Variants in GGTA1 observed in about 807,000 individuals in gnomAD.
GGTA1 encodes inactive N-acetyllactosaminide alpha-1,3-galactosyltransferase.
Under a neutral mutation model 2.6 loss-of-function variants are expected in GGTA1, and 5 were observed. That is an observed-to-expected ratio of 1.92 (90% CI 1.00 to 4.04). GGTA1 has a LOEUF of 4.04. GGTA1 is among the 30% of genes most tolerant of loss of function. The pLI is 0.00. For missense variants in GGTA1, 50 were observed against 16.7 expected, an observed-to-expected ratio of 2.99 and a Z score of -3.47; for synonymous variants, 17 against 5.0, an observed-to-expected ratio of 3.38 and a Z score of -3.19.
chr9:121,491,975 G>A (rs1431022361), intron 1 of GGTA1, among the ~76,000 whole-genome samples: 2 of 152,116 alleles, frequency 1.3e-5, no homozygotes, highest in African/African-American at 2.4e-5. Flanking sequence ...TCTTGTTCAT[G>A]GTGACATCTC....
chr9:121,468,067 C>T (rs1400761297), intron 1 of GGTA1, 136 bp from the exon 2 acceptor site: 1 of 376,954 alleles, frequency 2.7e-6, no homozygotes, highest in Non-Finnish European at 5.2e-6. Flanking sequence ...GATACATGTG[C>T]AGAACGTGCA....
At chr9:121,465,992 T>C (rs1330577780) in intron 2 of GGTA1, among the ~76,000 whole-genome samples, 1 of 152,150 alleles carries the variant, frequency 6.6e-6, no homozygotes, top group African/African-American at 2.4e-5. Context: ...CACAGCTCAC[T>C]GCAGCCTCAA....
At chr9:121,460,861 A>T (rs1370133330) in intron 4 of GGTA1, among the ~76,000 whole-genome samples, 2 of 151,916 alleles carry the variant, frequency 1.3e-5, no homozygotes, top group African/African-American at 4.8e-5. Flanking sequence ...AATAAAAATA[A>T]ATAAATAAAC....
rs1361711766 is a variant in GGTA1 at position 121,472,279 on chromosome 9, G to A, written c.-9-4348C>T. Among the ~76,000 whole-genome samples, 3 of 152,080 alleles carry A rather than the reference G, an allele frequency of 2.0e-5. No homozygotes were observed. In the South Asian group the frequency reaches 6.2e-4, roughly 32 times the overall value. On this transcript the variant is annotated intron_variant, in intron 1 of 5. Coordinates refer to ENST00000481799, the MANE Select transcript of GGTA1 (RefSeq NM_001382585.1). ...AAAATTCTGAATTCCAACACATCTGGCCCCAGGGTTTCAGATAAGGGATTG... is the reference window on the plus strand; with the variant it reads ...AAAATTCTGAATTCCAACACATCTGACCCCAGGGTTTCAGATAAGGGATTG...
chr9:121,493,058 T>C (rs980400625), intron 1 of GGTA1, among the ~76,000 whole-genome samples: 12 of 151,534 alleles, frequency 7.9e-5, no homozygotes, highest in Middle Eastern at 3.4e-3. Flanking sequence ...CGCTTGAACC[T>C]GGGAGGTGGA....
intron 4 of GGTA1, among the ~76,000 whole-genome samples, chr9:121,460,825 A>G (rs2064954738): frequency 6.6e-6 from 1 of 152,192 alleles, no homozygotes. Context: ...AGCCTGGGCA[A>G]TAAGAGCAAA....
At chr9:121,471,237 C>G (rs1828382441) in intron 1 of GGTA1, among the ~76,000 whole-genome samples, 1 of 150,836 alleles carries the variant, frequency 6.6e-6, no homozygotes, top group Non-Finnish European at 1.5e-5. Context: ...GCAGCTGAGT[C>G]CCCCTTCTCT....
chr9:121,483,231 G>T (rs1278919147), intron 1 of GGTA1, among the ~76,000 whole-genome samples: 1 of 152,156 alleles, frequency 6.6e-6, no homozygotes, highest in Non-Finnish European at 1.5e-5. Context: ...GGCTCTGAGA[G>T]TCTCAGTGAC....
chr9:121,445,238 CCT>C (rs2064847386), exon 8 of GGTA1: 1 of 152,158 alleles, frequency 6.6e-6, no homozygotes, highest in African/African-American at 2.4e-5. Flanking sequence ...TCCAAGACAA[CCT>C]GACTAATAGA....
intron 3 of GGTA1, 105 bp downstream of exon 3, chr9:121,463,188 T>G (rs2064974867): frequency 2.3e-6 from 1 of 429,786 alleles, no homozygotes; most frequent in Non-Finnish European, 4.5e-6. Flanking sequence ...CCCTCCGACT[T>G]TGGCCGAACA....
chr9:121,482,693 T>C (rs1828677084), intron 1 of GGTA1, among the ~76,000 whole-genome samples: 2 of 152,150 alleles, frequency 1.3e-5, no homozygotes, highest in South Asian at 4.2e-4. Context: ...TGCTTGAACC[T>C]GGGAGGTGGA....
intron 1 of GGTA1, among the ~76,000 whole-genome samples, chr9:121,469,443 G>T (rs944626766): frequency 3.3e-5 from 5 of 152,142 alleles, no homozygotes; most frequent in Non-Finnish European, 7.4e-5. Context: ...ACGATGAAAG[G>T]CATGGGAGGG....
downstream of GGTA1, among the ~76,000 whole-genome samples, chr9:121,452,515 ATTTTTAT>A (rs1169637242): frequency 6.7e-6 from 1 of 149,984 alleles, no homozygotes; most frequent in Non-Finnish European, 1.5e-5. Flanking sequence ...TTTTTTTTTT[ATTTTTAT>A]TTTTTATTTT....
chr9:121,466,764 C>T (rs1308536058), intron 2 of GGTA1, among the ~76,000 whole-genome samples: 1 of 152,050 alleles, frequency 6.6e-6, no homozygotes, highest in Non-Finnish European at 1.5e-5. Context: ...ACCAGCCTGG[C>T]CAACATGGTG....
chr9:121,478,231 A>C (rs1056193745), intron 1 of GGTA1, among the ~76,000 whole-genome samples: 2 of 152,162 alleles, frequency 1.3e-5, no homozygotes, highest in Non-Finnish European at 1.5e-5. Flanking sequence ...CTGTGGGGCC[A>C]GCTCTTCCTT....
At chr9:121,472,937 A>G (rs1828423864) in intron 1 of GGTA1, among the ~76,000 whole-genome samples, 1 of 152,182 alleles carries the variant, frequency 6.6e-6, no homozygotes, top group African/African-American at 2.4e-5. Context: ...AATTAGCATC[A>G]GAAGCAACTC....
intron 5 of GGTA1, among the ~76,000 whole-genome samples, chr9:121,458,263 A>G (rs142937434): frequency 1.8e-3 from 273 of 152,184 alleles, no homozygotes; most frequent in African/African-American, 6.3e-3. Context: ...TCATTCATTT[A>G]TGCAAGAAAT....
intron 5 of GGTA1, among the ~76,000 whole-genome samples, chr9:121,457,911 CTTT>C (rs530400416): frequency 3.7e-5 from 5 of 135,306 alleles, no homozygotes; most frequent in Admixed American, 7.5e-5. Flanking sequence ...GAAAAGGATA[CTTT>C]TTTTTTTTTT....
chr9:121,486,550 A>C (rs1828757533), intron 1 of GGTA1, among the ~76,000 whole-genome samples: 1 of 152,204 alleles, frequency 6.6e-6, no homozygotes, highest in Non-Finnish European at 1.5e-5. Context: ...AGGGGGCTGC[A>C]CACGGGGCTG....
Sources: allele counts gnomAD v4.1 joint callset (sites outside exome capture counted in the v4.1 genomes callset), GRCh38; gene constraint gnomAD v4.1.1; transcripts MANE v1.5; gene names NCBI Gene and HGNC (gene_info 2026-07-23, HGNC 2026-07-21).